The following OR8J1 variants were observed in gnomAD, a reference collection of about 807,000 sequenced individuals.
OR8J1 encodes the protein olfactory receptor family 8 subfamily J member 1.
For synonymous variants in OR8J1, 157 were observed against 144.3 expected (o/e 1.09, Z -0.63); for missense variants, 400 against 373.0 (o/e 1.07, Z -0.60).
At position 56,360,423 on chromosome 11, in the gene OR8J1, G is replaced by A. The variant is rs1411755515; in HGVS notation, c.177G>A (p.Met59Ile). 2 of 1,613,984 alleles carry A rather than the reference G, an allele frequency of 1.2e-6. No individual in the cohort carries two copies. The highest frequency in any genetic ancestry group is 1.7e-6 in the Non-Finnish European group (2 of 1,180,016). The part of the protein sequence containing the change: ...TSVDSRLQTP[M>I]YFFLQHLALI... ...TTGACTCTCGACTTCAAACCCCCAT[G>A]TACTTTTTCCTGCAACATCTGGCTC... is the stretch of plus-strand genomic sequence containing the variant. Residue 59 changes from methionine to isoleucine, a missense_variant, in exon 2 of 2, where the codon ATG becomes ATA. Physicochemically the swap from Met to Ile is conservative, Grantham distance 10. Transcript: ENST00000533152.
At chr11:56,357,948 C>G in intron 1 of OR8J1, 1 of 869,448 alleles carries the variant, frequency 1.2e-6, no homozygotes, top group Non-Finnish European at 1.9e-6. Flanking sequence ...AGCTTAGTTG[C>G]TAGCGCTACT....
chr11:56,356,457 A>ATAAATCAGCCAT (rs1854969877), intron 1 of OR8J1, among the ~76,000 whole-genome samples: 1 of 152,238 alleles, frequency 6.6e-6, no homozygotes, highest in Non-Finnish European at 1.5e-5. Flanking sequence ...ATTGGCTGAT[A>ATAAATCAGCCAT]GTTGGCATGT....
chr11:56,356,317 GA>G (rs1854967697), intron 1 of OR8J1, among the ~76,000 whole-genome samples: 2 of 152,160 alleles, frequency 1.3e-5, no homozygotes, highest in Non-Finnish European at 2.9e-5. Flanking sequence ...ATCATAGGAT[GA>G]ATATGACTTT....
At chr11:56,355,819 T>C (rs933723089) in intron 1 of OR8J1, among the ~76,000 whole-genome samples, 2 of 152,160 alleles carry the variant, frequency 1.3e-5, no homozygotes, top group African/African-American at 4.8e-5. Flanking sequence ...AAAATTAAAG[T>C]TAATTAGCCT....
At chr11:56,357,776 C>T in intron 1 of OR8J1, 1 of 1,410,220 alleles carries the variant, frequency 7.1e-7, no homozygotes, top group Non-Finnish European at 9.9e-7. Flanking sequence ...CAGGCCTTGC[C>T]AGAACTACCA....
chr11:56,357,081 C>A, intron 1 of OR8J1, among the ~76,000 whole-genome samples: 1 of 152,116 alleles, frequency 6.6e-6, no homozygotes, highest in East Asian at 1.9e-4. Context: ...CCCACGTTAT[C>A]TTATACCAGA....
In OR8J1 at chr11:56,361,023, T is replaced by C. The variant is rs1852631574; in HGVS notation, c.777T>C (p.Tyr259=). 1 of 1,500,246 alleles carries C rather than the reference T, an allele frequency of 6.7e-7. No homozygotes were observed. Among genetic ancestry groups the C allele is most frequent in the Admixed American group, 2.5e-5 (1 of 40,282 alleles). 92.9% of individuals were successfully genotyped at this position (1,500,246 alleles called of 1,614,324 possible). Residue 259 remains tyrosine (Y), a synonymous_variant, in exon 2 of 2, where the codon TAT becomes TAC. Coordinates refer to ENST00000533152, the MANE Select transcript of OR8J1 (RefSeq NM_001005205.3). ...TTTATGGGACATTGCTATTCATGTATGTGCAGCCCCGAAGTAACCATTCAC... is the reference window on the plus strand; with the variant it reads ...TTTATGGGACATTGCTATTCATGTACGTGCAGCCCCGAAGTAACCATTCAC... The part of the protein sequence containing the change: ...TIFYGTLLFM[Y]VQPRSNHSLD...
intron 1 of OR8J1, among the ~76,000 whole-genome samples, chr11:56,356,266 G>T (rs758491013): frequency 2.0e-5 from 3 of 152,184 alleles, no homozygotes; most frequent in Non-Finnish European, 4.4e-5. Context: ...AGTATTCATA[G>T]AAATTAGCAA....
intron 1 of OR8J1, among the ~76,000 whole-genome samples, chr11:56,354,899 C>T (rs1854947372): frequency 6.6e-6 from 1 of 152,082 alleles, no homozygotes; most frequent in East Asian, 1.9e-4. Context: ...AATCTGTTAG[C>T]ATTTTACTTC....
chr11:56,357,408 G>A (rs1854982483), intron 1 of OR8J1: 16 of 855,342 alleles, frequency 1.9e-5, no homozygotes, highest in Non-Finnish European at 2.7e-5. Flanking sequence ...GGGTAAAACT[G>A]ATTACTATGC....
intron 1 of OR8J1, among the ~76,000 whole-genome samples, chr11:56,356,091 G>A (rs559282462): frequency 2.6e-5 from 4 of 152,268 alleles, no homozygotes; most frequent in African/African-American, 4.8e-5. Context: ...GAATACCTTG[G>A]ATAACACAAC....
intron 1 of OR8J1, among the ~76,000 whole-genome samples, chr11:56,355,500 C>T (rs537363890): frequency 7.9e-5 from 12 of 152,016 alleles, no homozygotes; most frequent in African/African-American, 1.2e-4. Context: ...TGGTGGCGCC[C>T]GCCTGTAATC....
At chr11:56,355,557 G>A (rs1163347857) in intron 1 of OR8J1, among the ~76,000 whole-genome samples, 1 of 152,242 alleles carries the variant, frequency 6.6e-6, no homozygotes, top group East Asian at 1.9e-4. Flanking sequence ...GAACCCAGGA[G>A]GCGGAGGTTG....
intron 1 of OR8J1, among the ~76,000 whole-genome samples, chr11:56,354,714 C>T (rs1361646294): frequency 1.3e-5 from 2 of 152,076 alleles, no homozygotes; most frequent in Non-Finnish European, 2.9e-5. Context: ...TAGACATCTA[C>T]CCAAAGTCAA....
rs62001035 is a variant in OR8J1, at chr11:56,360,422, T to G, written c.176T>G (p.Met59Arg). 4 of 1,614,156 alleles carry G rather than the reference T, an allele frequency of 2.5e-6. No homozygotes were observed. The highest frequency in any genetic ancestry group is 3.4e-6 in the Non-Finnish European group (4 of 1,180,012). ...TSVDSRLQTP[M>R]YFFLQHLALI... ...GTTGACTCTCGACTTCAAACCCCCA[T>G]GTACTTTTTCCTGCAACATCTGGCT... is the stretch of plus-strand genomic sequence containing the variant. The change falls in exon 2 of 2, where the codon ATG (methionine) becomes AGG (arginine). Residue 59 changes from methionine to arginine, a missense_variant. By Grantham distance (91) the Met-to-Arg change is moderately conservative. Transcript: ENST00000533152.
At chr11:56,355,473 C>T (rs1182087020) in intron 1 of OR8J1, among the ~76,000 whole-genome samples, 1 of 151,746 alleles carries the variant, frequency 6.6e-6, no homozygotes, top group African/African-American at 2.4e-5. Flanking sequence ...ACTAAAAATA[C>T]AAAAATTAGC....
Position 56,360,765 on chromosome 11 carries a change from A to G in OR8J1, c.519A>G (p.Ile173Met), listed in dbSNP as rs755019119. ...CTGTGTCTTATTGCTCTTCTAATATAATCAATCATTTTTACTGTGATAATG... is the reference window on the plus strand; with the variant it reads ...CTGTGTCTTATTGCTCTTCTAATATGATCAATCATTTTTACTGTGATAATG... ...VFSVSYCSSN[I>M]INHFYCDNVP... Residue 173 changes from isoleucine (I) to methionine (M), a missense_variant, in exon 2 of 2, where the codon ATA becomes ATG. Ile to Met is a conservative substitution (Grantham distance 10, BLOSUM62 1). Coordinates refer to ENST00000533152, the MANE Select transcript of OR8J1 (RefSeq NM_001005205.3). The G allele has an allele frequency of 6.3e-7, 1 of 1,590,162 alleles. No individual in the cohort carries two copies.
At position 56,359,119 on chromosome 11, in the gene OR8J1, G is replaced by A. The variant is rs531729068; in HGVS notation, c.-20-1108G>A. On this transcript the variant is annotated intron_variant, in intron 1 of 1. Transcript: ENST00000533152. ...AACTTAACTCCACATTTTTAAATAA[G>A]TGACTATGACAGGATTTCTTTGGGC... 5.9e-5 allele frequency among the ~76,000 whole-genome samples: 9 copies of A among 152,040 alleles called. No homozygotes were observed. The East Asian group carries it at 1.4e-3, about 23-fold the overall frequency.
intron 1 of OR8J1, chr11:56,358,195 G>C (rs1345534842): frequency 3.3e-6 from 1 of 304,390 alleles, no homozygotes; most frequent in African/African-American, 2.2e-5. Context: ...CTTCCTCAGA[G>C]CTCAGGAGCA....
Sources: gnomAD v4.1 joint callset for allele counts (sites outside exome capture counted in the v4.1 genomes callset) on GRCh38, gnomAD v4.1.1 for gene constraint, MANE v1.5 for transcripts, NCBI Gene and HGNC (gene_info 2026-07-23, HGNC 2026-07-21) for gene names.